The following FHIT variants were observed in gnomAD, a reference collection of about 807,000 sequenced individuals.
The protein encoded by FHIT is fragile histidine triad diadenosine triphosphatase.
Under a neutral mutation model 17.9 loss-of-function variants are expected in FHIT, and 19 were observed. The ratio of observed to expected loss-of-function variants is 1.06; its 90% CI spans 0.74 to 1.56. FHIT has a LOEUF of 1.56. Among genes scored for constraint, FHIT ranks in the 40% most tolerant of loss-of-function variants. The probability of loss-of-function intolerance (pLI) is 0.00; values close to 1 mark genes in which losing one functional copy is unlikely to be tolerated. For missense variants in FHIT, 248 were observed against 189.2 expected, an observed-to-expected ratio of 1.31 and a Z score of -1.82; for synonymous variants, 81 against 69.7, an observed-to-expected ratio of 1.16 and a Z score of -0.81.
intron 5 of FHIT, among the ~76,000 whole-genome samples, chr3:60,455,523 G>T (rs562540864): frequency 6.6e-6 from 1 of 152,260 alleles, no homozygotes; most frequent in East Asian, 1.9e-4. Context: ...ATAATGTTTT[G>T]TTGAGCACAG....
chr3:60,069,803 C>T (rs1443277062), intron 5 of FHIT, among the ~76,000 whole-genome samples: 1 of 152,160 alleles, frequency 6.6e-6, no homozygotes, highest in East Asian at 1.9e-4. Context: ...TACTTTCCAT[C>T]CTTAGAGGGG....
intron 8 of FHIT, among the ~76,000 whole-genome samples, chr3:59,873,415 T>TAG (rs1703010705): frequency 2.0e-5 from 3 of 152,194 alleles, no homozygotes; most frequent in African/African-American, 7.2e-5. Context: ...ACTTCCCTGC[T>TAG]CATGAGCCTT....
chr3:60,206,571 G>A (rs1485829962), intron 5 of FHIT, among the ~76,000 whole-genome samples: 2 of 152,108 alleles, frequency 1.3e-5, no homozygotes, highest in African/African-American at 4.8e-5. Context: ...GCTCTCTAAG[G>A]CATGAAAGAG....
chr3:60,790,958 C>T (rs565993770), intron 4 of FHIT, among the ~76,000 whole-genome samples: 1 of 152,252 alleles, frequency 6.6e-6, no homozygotes, highest in African/African-American at 2.4e-5. Flanking sequence ...TTCAGTAAAA[C>T]TAAATTTGCT....
chr3:60,686,339 G>A (rs1271154626), intron 4 of FHIT, among the ~76,000 whole-genome samples: 2 of 152,090 alleles, frequency 1.3e-5, no homozygotes, highest in African/African-American at 4.8e-5. Context: ...AGTGTGTGGG[G>A]CCACTGTTTC....
intron 8 of FHIT, among the ~76,000 whole-genome samples, chr3:59,853,291 T>C (rs1243942076): frequency 6.6e-6 from 1 of 152,212 alleles, no homozygotes; most frequent in Non-Finnish European, 1.5e-5. Context: ...ATGATCTTCA[T>C]TTTACAGTTC....
intron 3 of FHIT, among the ~76,000 whole-genome samples, chr3:60,949,295 A>G (rs774347678): frequency 2.0e-5 from 3 of 152,218 alleles, no homozygotes; most frequent in South Asian, 2.1e-4. Context: ...CTTCTTTGCA[A>G]TCTCTGCTTT....
chr3:60,880,953 A>G (rs1214075707), intron 3 of FHIT, among the ~76,000 whole-genome samples: 1 of 152,220 alleles, frequency 6.6e-6, no homozygotes, highest in Non-Finnish European at 1.5e-5. Flanking sequence ...TTGAATGTTA[A>G]CAGAATAAAT....
chr3:61,162,603 A>AT (rs1380506613), intron 2 of FHIT, among the ~76,000 whole-genome samples: 1 of 152,218 alleles, frequency 6.6e-6, no homozygotes, highest in Non-Finnish European at 1.5e-5. Context: ...TGCAGGAAAA[A>AT]AATTGTGCTT....
At chr3:60,046,096 T>G (rs960839578) in intron 5 of FHIT, among the ~76,000 whole-genome samples, 3 of 152,232 alleles carry the variant, frequency 2.0e-5, no homozygotes, top group African/African-American at 4.8e-5. Flanking sequence ...ATATTTCATA[T>G]ATGAATACTT....
In FHIT at chr3:60,226,404, G is replaced by A. The variant is rs527728677; in HGVS notation, c.104-212252C>T. 8.6e-5 allele frequency among the ~76,000 whole-genome samples: 13 copies of A among 150,310 alleles called. No homozygotes were observed. The South Asian group carries it at 1.3e-3, about 15-fold the overall frequency. Reference sequence around the variant, plus strand: ...GGAGAACCGCTTGAACCCGGGAGGCGGAGGTTGCGGTGAGCTGAGATCGCA... The same window carrying A: ...GGAGAACCGCTTGAACCCGGGAGGCAGAGGTTGCGGTGAGCTGAGATCGCA... On this transcript the variant is annotated intron_variant, in intron 5 of 9. Coordinates refer to ENST00000492590, the MANE Select transcript of FHIT (RefSeq NM_002012.4).
intron 8 of FHIT, among the ~76,000 whole-genome samples, chr3:59,883,470 C>A (rs1315447868): frequency 6.6e-6 from 1 of 152,170 alleles, no homozygotes; most frequent in African/African-American, 2.4e-5. Flanking sequence ...GGGTTTTCCC[C>A]TTATAAAACC....
At position 60,309,935 on chromosome 3, in the gene FHIT, G is replaced by C. The variant is rs547905285; in HGVS notation, c.103+226925C>G. On this transcript the variant is annotated intron_variant, in intron 5 of 9. Coordinates refer to ENST00000492590, the MANE Select transcript of FHIT (RefSeq NM_002012.4). ...ATATACTTAATCACACGTGCTTTCAGTCCACTTCACATTCGAGTGTCTCAT... is the reference window on the plus strand; with the variant it reads ...ATATACTTAATCACACGTGCTTTCACTCCACTTCACATTCGAGTGTCTCAT... Among the ~76,000 whole-genome samples, 71 of 152,048 alleles carry C rather than the reference G, an allele frequency of 4.7e-4. No homozygotes were observed. In the South Asian group the frequency reaches 0.013, roughly 27 times the overall value.
chr3:60,646,898 T>C (rs913048004), intron 4 of FHIT, among the ~76,000 whole-genome samples: 5 of 152,206 alleles, frequency 3.3e-5, no homozygotes, highest in African/African-American at 9.6e-5. Flanking sequence ...GTGGATTACA[T>C]AACCCAGAGC....
intron 5 of FHIT, among the ~76,000 whole-genome samples, chr3:60,384,818 G>C (rs1466064448): frequency 6.9e-6 from 1 of 145,266 alleles, no homozygotes; most frequent in Non-Finnish European, 1.5e-5. Context: ...ACAGAGCTAG[G>C]AGGTATTTTC....
At chr3:60,614,830 T>TTGAGATG (rs1559583627) in intron 4 of FHIT, among the ~76,000 whole-genome samples, 5 of 92,258 alleles carry the variant, frequency 5.4e-5, no homozygotes, top group Non-Finnish European at 1.3e-4. Context: ...GTTTTTTTTT[T>TTGAGATG]GTTTTTTTTT....
At chr3:61,119,711 G>C in intron 2 of FHIT, among the ~76,000 whole-genome samples, 1 of 152,278 alleles carries the variant, frequency 6.6e-6, no homozygotes, top group African/African-American at 2.4e-5. Flanking sequence ...CACTGAGGGC[G>C]CAAATAAAAC....
chr3:59,818,379 C>T (rs1356865320), intron 8 of FHIT, among the ~76,000 whole-genome samples: 2 of 152,052 alleles, frequency 1.3e-5, no homozygotes, highest in African/African-American at 4.8e-5. Context: ...GGTTAATTCA[C>T]GGATGTGGAA....
intron 5 of FHIT, among the ~76,000 whole-genome samples, chr3:60,382,952 G>T (rs1048552651): frequency 6.6e-6 from 1 of 152,046 alleles, no homozygotes; most frequent in Non-Finnish European, 1.5e-5. Flanking sequence ...GTAATGTCAC[G>T]ACTAGCTTGT....
Sources: gnomAD v4.1 joint callset for allele counts (sites outside exome capture counted in the v4.1 genomes callset) on GRCh38, gnomAD v4.1.1 for gene constraint, MANE v1.5 for transcripts, NCBI Gene and HGNC (gene_info 2026-07-23, HGNC 2026-07-21) for gene names.